PCDHGA6: variants seen among roughly 807,000 people sequenced by gnomAD.
PCDHGA6 encodes the protein protocadherin gamma subfamily A, 6, also known as protocadherin gamma-A6.
Under a neutral mutation model 60.6 loss-of-function variants are expected in PCDHGA6, and 41 were observed. The ratio of observed to expected loss-of-function variants is 0.68; its 90% CI spans 0.53 to 0.88. The LOEUF (loss-of-function observed/expected upper bound fraction) is 0.88. Ranked by LOEUF, PCDHGA6 falls within the 40% of genes least tolerant of loss-of-function variation. The pLI, the probability that PCDHGA6 is intolerant of heterozygous loss-of-function variation, is 0.00. For missense variants in PCDHGA6, 1,312 were observed against 1,203.0 expected, an observed-to-expected ratio of 1.09 and a Z score of -1.34; for synonymous variants, 594 against 524.4, an observed-to-expected ratio of 1.13 and a Z score of -1.81.
chr5:141,409,868 A>C (rs2095328786), intron 1 of PCDHGA6: 2 of 1,612,688 alleles, frequency 1.2e-6, no homozygotes, highest in Admixed American at 1.7e-5. Flanking sequence ...GGGAGACCGC[A>C]ATGACAACGC....
chr5:141,467,715 G>C (rs904101145), intron 1 of PCDHGA6, among the ~76,000 whole-genome samples: 1 of 152,022 alleles, frequency 6.6e-6, no homozygotes, highest in Non-Finnish European at 1.5e-5. Flanking sequence ...AGGCTGGAGT[G>C]TAGTGGCACA....
In PCDHGA6 at chr5:141,477,406, A is replaced by G. The variant is rs1004061582; in HGVS notation, c.2425-17401A>G. The G allele has an allele frequency of 6.2e-7, 1 of 1,614,154 alleles. No individual in the cohort carries two copies. Among genetic ancestry groups the G allele is most frequent in the Non-Finnish European group, 8.5e-7 (1 of 1,180,040 alleles). The stretch of plus-strand genomic sequence containing the variant: ...AATACAACCTCAGCATCACCGCCCG[A>G]GACGCCGGAACCCCTTCCCTCTCAG... On this transcript the variant is annotated intron_variant, in intron 1 of 3. Transcript: ENST00000517434. The surrounding 1 kb of genome is among the most constrained non-coding windows in gnomAD (Gnocchi z 4.9).
At chr5:141,405,140 G>A in intron 1 of PCDHGA6, 1 of 1,614,072 alleles carries the variant, frequency 6.2e-7, no homozygotes, top group Non-Finnish European at 8.5e-7. Flanking sequence ...GGCTACCAGT[G>A]ATGGGTTGGC....
intron 1 of PCDHGA6, among the ~76,000 whole-genome samples, chr5:141,443,179 A>G (rs2098370392): frequency 6.6e-6 from 1 of 152,190 alleles, no homozygotes; most frequent in South Asian, 2.1e-4. Flanking sequence ...TGTCCACTGC[A>G]TCATTCTCTA....
intron 1 of PCDHGA6, among the ~76,000 whole-genome samples, chr5:141,453,217 G>A (rs770914741): frequency 1.2e-4 from 19 of 152,100 alleles, no homozygotes; most frequent in Admixed American, 1.0e-3. Context: ...GCACTTAAGC[G>A]ATCCTCCCAC....
intron 1 of PCDHGA6, chr5:141,441,867 GCCTGGCTA>G (rs2098280856): frequency 1.2e-5 from 4 of 345,682 alleles, no homozygotes; most frequent in Non-Finnish European, 2.3e-5. Flanking sequence ...ACGCCGCGGA[GCCTGGCTA>G]CCTGGTCACC....
chr5:141,509,179 C>T (rs895281717), intron 3 of PCDHGA6, among the ~76,000 whole-genome samples: 1 of 152,172 alleles, frequency 6.6e-6, no homozygotes, highest in African/African-American at 2.4e-5. Flanking sequence ...TCCTCTTATG[C>T]CGGCTTGAAA....
At chr5:141,428,606 A>G (rs1270096118) in intron 1 of PCDHGA6, 4 of 216,044 alleles carry the variant, frequency 1.9e-5, no homozygotes, top group Admixed American at 1.6e-4. Context: ...TTCACTGAAG[A>G]GAATAACAAG....
At chr5:141,380,103 A>T (rs1371621007) in intron 1 of PCDHGA6, among the ~76,000 whole-genome samples, 3 of 151,578 alleles carry the variant, frequency 2.0e-5, no homozygotes, top group Admixed American at 6.6e-5. Flanking sequence ...TTTTACCATG[A>T]TGGCCAGGCT....
At chr5:141,419,756 G>A in intron 1 of PCDHGA6, 7 of 1,614,008 alleles carry the variant, frequency 4.3e-6, no homozygotes, top group East Asian at 2.2e-5. Flanking sequence ...GCGTGCTTTG[G>A]GTGACAAGGA....
At position 141,491,514 on chromosome 5, in the gene PCDHGA6, G is replaced by A. The variant is rs753335815; in HGVS notation, c.2425-3293G>A. ...AGGTGAGCTCGGACGGCACGCTCAAGTACATGGAGGTGACGCTGCGGCCCA... is the reference window on the plus strand; with the variant it reads ...AGGTGAGCTCGGACGGCACGCTCAAATACATGGAGGTGACGCTGCGGCCCA... On this transcript the variant is annotated intron_variant, in intron 1 of 3. Coordinates refer to ENST00000517434, the MANE Select transcript of PCDHGA6 (RefSeq NM_018919.3). The surrounding 1 kb of genome is among the most constrained non-coding windows in gnomAD (Gnocchi z 6.9). 2 of 1,613,964 alleles carry A rather than the reference G, an allele frequency of 1.2e-6. No individual in the cohort carries two copies. Among genetic ancestry groups the A allele is most frequent in the East Asian group, 2.2e-5 (1 of 44,892 alleles).
chr5:141,439,186 C>T (rs2098094521), intron 1 of PCDHGA6, among the ~76,000 whole-genome samples: 1 of 141,808 alleles, frequency 7.1e-6, no homozygotes, highest in Admixed American at 7.0e-5. Flanking sequence ...TAGTGAGACT[C>T]TGACAAAAAA....
intron 1 of PCDHGA6, chr5:141,383,667 A>G (rs1167694570): frequency 1.9e-6 from 3 of 1,614,020 alleles, no homozygotes; most frequent in Non-Finnish European, 2.5e-6. Context: ...AGAATGTGCC[A>G]GTGGGTACAA....
At chr5:141,383,551 G>T (rs772901140) in intron 1 of PCDHGA6, 11 of 1,612,380 alleles carry the variant, frequency 6.8e-6, no homozygotes, top group Non-Finnish European at 9.3e-6. Context: ...CTCTGATGGC[G>T]GCGACCCGCC....
At chr5:141,424,762 A>T (rs1002777641) in intron 1 of PCDHGA6, 8 of 152,124 alleles carry the variant, frequency 5.3e-5, no homozygotes, top group African/African-American at 1.9e-4. Context: ...GGTCATTCTT[A>T]TGGCAAATAG....
chr5:141,429,879 A>T (rs2097250861), intron 1 of PCDHGA6, among the ~76,000 whole-genome samples: 1 of 152,210 alleles, frequency 6.6e-6, no homozygotes, highest in African/African-American at 2.4e-5. Context: ...TCTTTTACTA[A>T]GTTTCCTGAA....
intron 1 of PCDHGA6, chr5:141,398,776 G>A: frequency 6.2e-7 from 1 of 1,613,904 alleles, no homozygotes; most frequent in Non-Finnish European, 8.5e-7. Flanking sequence ...TGCCTTGGAC[G>A]GTGGACATCC....
chr5:141,381,991 G>A (rs1019937357), intron 1 of PCDHGA6, among the ~76,000 whole-genome samples: 3 of 151,726 alleles, frequency 2.0e-5, no homozygotes, highest in East Asian at 3.9e-4. Context: ...CACCACGCCC[G>A]GATAATTTTG....
At chr5:141,380,956 A>G (rs1776884378) in intron 1 of PCDHGA6, among the ~76,000 whole-genome samples, 1 of 152,252 alleles carries the variant, frequency 6.6e-6, no homozygotes, top group African/African-American at 2.4e-5. Context: ...CAAGAAGTTC[A>G]AAAGTACTAT....
Sources: allele counts gnomAD v4.1 joint callset (sites outside exome capture counted in the v4.1 genomes callset), GRCh38; gene constraint gnomAD v4.1.1; non-coding constraint Gnocchi (gnomAD v3.1); transcripts MANE v1.5; gene names NCBI Gene and HGNC (gene_info 2026-07-23, HGNC 2026-07-21).